Variants in AGTPBP1 observed in about 807,000 individuals in gnomAD.
AGTPBP1 encodes cytosolic carboxypeptidase 1.
AGTPBP1 carries 70 observed loss-of-function variants against 143.9 expected under a neutral mutation model. The observed-to-expected ratio is 0.49, with a 90% CI of 0.40 to 0.59. The LOEUF is 0.59. Among genes scored for constraint, AGTPBP1 ranks in the 20% least tolerant of loss-of-function variants. AGTPBP1 has a pLI of 0.00. For synonymous variants in AGTPBP1, 463 were observed against 500.2 expected, an observed-to-expected ratio of 0.93 and a Z score of 0.99; for missense variants, 1,229 against 1,464.5, an observed-to-expected ratio of 0.84 and a Z score of 2.62.
At chr9:85,581,921 T>C (rs1828287872) in intron 23 of AGTPBP1, among the ~76,000 whole-genome samples, 2 of 152,154 alleles carry the variant, frequency 1.3e-5, no homozygotes, top group Non-Finnish European at 2.9e-5. Context: ...ATTTTGGGAT[T>C]AGGAATGCTC....
intron 1 of AGTPBP1, among the ~76,000 whole-genome samples, chr9:85,723,633 T>G (rs911217820): frequency 5.9e-5 from 9 of 152,204 alleles, no homozygotes; most frequent in African/African-American, 2.2e-4. Flanking sequence ...GGAAATCCCC[T>G]GACCCCTTGC....
At chr9:85,597,290 A>G (rs1829358860) in intron 17 of AGTPBP1, among the ~76,000 whole-genome samples, 1 of 151,970 alleles carries the variant, frequency 6.6e-6, no homozygotes, top group Admixed American at 6.5e-5. Flanking sequence ...TAAACTCACT[A>G]ATTTTAACAG....
At chr9:85,562,395 A>G (rs1564011157) in intron 25 of AGTPBP1, among the ~76,000 whole-genome samples, 1 of 152,226 alleles carries the variant, frequency 6.6e-6, no homozygotes. Flanking sequence ...TAAAGACACA[A>G]AAGGCTAAAA....
chr9:85,757,303 G>A, the AGTPBP1 span, among the ~76,000 whole-genome samples: 2 of 152,060 alleles, frequency 1.3e-5, no homozygotes, highest in Non-Finnish European at 2.9e-5. Context: ...CTGACCTTGT[G>A]ATCCGCCTGT....
chr9:85,552,188 CCTTT>C (rs1196030712), intron 25 of AGTPBP1, among the ~76,000 whole-genome samples: 1 of 152,180 alleles, frequency 6.6e-6, no homozygotes, highest in Non-Finnish European at 1.5e-5. Context: ...ACCCAAAGAG[CCTTT>C]CTGACAGGAT....
At chr9:85,581,686 TCCTTAAAAA>T (rs1828272506) in intron 23 of AGTPBP1, among the ~76,000 whole-genome samples, 1 of 152,188 alleles carries the variant, frequency 6.6e-6, no homozygotes, top group Admixed American at 6.5e-5. Flanking sequence ...TATTAAAACG[TCCTTAAAAA>T]CCTAATAGTT....
At chr9:85,575,503 A>G (rs1388273976) in intron 24 of AGTPBP1, 28 bp from the exon 25 acceptor site, 1 of 1,570,382 alleles carries the variant, frequency 6.4e-7, no homozygotes, top group Non-Finnish European at 8.6e-7. Flanking sequence ...TTATGCATAT[A>G]ATTACAAAGT....
At chr9:85,722,940 G>A (rs1335629262) in intron 1 of AGTPBP1, among the ~76,000 whole-genome samples, 1 of 152,112 alleles carries the variant, frequency 6.6e-6, no homozygotes, top group Non-Finnish European at 1.5e-5. Flanking sequence ...CTCAGCTGCA[G>A]GTCTGTTGGA....
chr9:85,764,087 T>A, the AGTPBP1 span, among the ~76,000 whole-genome samples: 1 of 152,040 alleles, frequency 6.6e-6, no homozygotes, highest in Non-Finnish European at 1.5e-5. Flanking sequence ...ATGTAGAATG[T>A]AAGCCAAGAA....
At chr9:85,655,398 G>A (rs1833433032) in intron 10 of AGTPBP1, 78 bp from the exon 11 acceptor site, 1 of 1,179,906 alleles carries the variant, frequency 8.5e-7, no homozygotes, top group Non-Finnish European at 1.1e-6. Context: ...TTCAAAAAGT[G>A]TCATACATTA....
chr9:85,638,058 T>C (rs948757861), intron 13 of AGTPBP1, among the ~76,000 whole-genome samples: 1 of 152,178 alleles, frequency 6.6e-6, no homozygotes, highest in Non-Finnish European at 1.5e-5. Context: ...GTTTTTTATA[T>C]ATCTTAACTC....
At chr9:85,581,751 C>T (rs768653017) in intron 23 of AGTPBP1, among the ~76,000 whole-genome samples, 4 of 152,122 alleles carry the variant, frequency 2.6e-5, no homozygotes, top group East Asian at 3.8e-4. Flanking sequence ...TATGCTATGA[C>T]GTTCACCTTA....
At chr9:85,764,753 A>C in the AGTPBP1 span, 2,651 of 1,302,178 alleles carry the variant, frequency 2.0e-3, 34 homozygotes, top group African/African-American at 0.028. Flanking sequence ...CCTGAACTTA[A>C]TGGAACAAGA....
chr9:85,673,288 A>T (rs1314140289), intron 6 of AGTPBP1, among the ~76,000 whole-genome samples: 3 of 151,784 alleles, frequency 2.0e-5, no homozygotes, highest in African/African-American at 7.3e-5. Flanking sequence ...GACTGTCATT[A>T]AAAAAAACTG....
At chr9:85,618,935 G>A in intron 17 of AGTPBP1, 48 bp downstream of exon 17, 1 of 1,553,716 alleles carries the variant, frequency 6.4e-7, no homozygotes, top group Non-Finnish European at 8.7e-7. Flanking sequence ...CTTTTCCACA[G>A]TTAAGATGCC....
intron 17 of AGTPBP1, among the ~76,000 whole-genome samples, chr9:85,617,931 T>G (rs566605255): frequency 6.6e-6 from 1 of 152,210 alleles, no homozygotes; most frequent in South Asian, 2.1e-4. Flanking sequence ...TGAATAGCCC[T>G]AAAACTATTC....
At chr9:85,556,078 C>A (rs1461433168) in intron 25 of AGTPBP1, among the ~76,000 whole-genome samples, 1 of 151,942 alleles carries the variant, frequency 6.6e-6, no homozygotes, top group African/African-American at 2.4e-5. Context: ...AGAACAAACC[C>A]CCGTGACATG....
the AGTPBP1 span, among the ~76,000 whole-genome samples, chr9:85,804,902 A>G: frequency 1.3e-5 from 2 of 152,098 alleles, no homozygotes; most frequent in Non-Finnish European, 2.9e-5. Flanking sequence ...GTTGCAGGGA[A>G]CCCAAGCTAC....
chr9:85,696,639 A>G (rs1160229241), intron 2 of AGTPBP1, among the ~76,000 whole-genome samples: 2 of 151,870 alleles, frequency 1.3e-5, no homozygotes, highest in African/African-American at 2.4e-5. Context: ...TGGACTCCAA[A>G]CTGGGTGACA....
Sources: allele counts gnomAD v4.1 joint callset (sites outside exome capture counted in the v4.1 genomes callset), GRCh38; gene constraint gnomAD v4.1.1; transcripts MANE v1.5; gene names NCBI Gene and HGNC (gene_info 2026-07-23, HGNC 2026-07-21).